The following PIGG variants were observed in gnomAD, a reference collection of about 807,000 sequenced individuals.
The protein encoded by PIGG is GPI ethanolamine phosphate transferase 2, catalytic subunit.
PIGG carries 70 observed loss-of-function variants against 83.2 expected under a neutral mutation model. The ratio of observed to expected loss-of-function variants is 0.84; its 90% CI spans 0.69 to 1.03. The LOEUF is 1.03. PIGG is among the 50% of genes least tolerant of loss of function. The probability of loss-of-function intolerance (pLI) is 0.00; values close to 1 mark genes in which losing one functional copy is unlikely to be tolerated. For synonymous variants in PIGG, 532 were observed against 519.5 expected, an observed-to-expected ratio of 1.02 and a Z score of -0.33; for missense variants, 1,257 against 1,233.6, an observed-to-expected ratio of 1.02 and a Z score of -0.28.
chr4:500,649 G>T (rs782808902), intron 2 of PIGG, 48 bp downstream of exon 2: 2 of 1,169,184 alleles, frequency 1.7e-6, no homozygotes, highest in African/African-American at 3.0e-5. Flanking sequence ...CTGTTTTGAA[G>T]ATTTAGAGGG....
At chr4:520,937 G>C (rs1278121235) in intron 6 of PIGG, 119 bp from the exon 7 acceptor site, 1 of 710,322 alleles carries the variant, frequency 1.4e-6, no homozygotes. Context: ...TTAAGCGTCA[G>C]TTGTGAAAAG....
At chr4:503,668 T>C (rs1219632759) in intron 2 of PIGG, among the ~76,000 whole-genome samples, 1 of 151,936 alleles carries the variant, frequency 6.6e-6, no homozygotes, top group Non-Finnish European at 1.5e-5. Context: ...AAATACGTTA[T>C]TGTACAGCTA....
intron 4 of PIGG, 102 bp downstream of exon 4, chr4:507,695 TC>T: frequency 2.0e-6 from 2 of 1,005,546 alleles, no homozygotes; most frequent in Non-Finnish European, 2.9e-6. Flanking sequence ...TGTGTGAATG[TC>T]CACCATCAGT....
chr4:539,295 A>G lies in PIGG; in HGVS notation c.2878A>G (p.Met960Val). 1 of 1,613,796 alleles carries G rather than the reference A, an allele frequency of 6.2e-7. No homozygotes were observed. The highest frequency in any genetic ancestry group is 8.5e-7 in the Non-Finnish European group (1 of 1,179,666). ...TTCTCCAAAACTTCTCTACGAGGGA[A>G]TGCACCTGCTCATTACAGCTGCTGT... ...VFSPKLLYEG[M>V]HLLITAAVCV... Residue 960 changes from methionine to valine, a missense_variant, in exon 13 of 13, where the codon ATG becomes GTG. Transcript: ENST00000453061.
chr4:499,343 T>A lies in PIGG; in HGVS notation c.8T>A (p.Leu3Gln). The change falls in exon 1 of 13, where the codon CTG becomes CAG. Residue 3 changes from leucine (L) to glutamine (Q), a missense_variant. Leu to Gln is a moderately radical substitution (Grantham distance 113). Coordinates refer to ENST00000453061, the MANE Select transcript of PIGG (RefSeq NM_001127178.3). ...CAGCCTAGCGTGTCCACGATGCGGC[T>A]GGGCTCCGGGACTTTCGCTACCTGT... MR[L>Q]GSGTFATCCV... The A allele has an allele frequency of 6.2e-7, 1 of 1,608,268 alleles. No individual in the cohort carries two copies. The highest frequency in any genetic ancestry group is 8.5e-7 in the Non-Finnish European group (1 of 1,179,838).
intron 11 of PIGG, chr4:533,511 C>T (rs1577148503): frequency 2.6e-6 from 1 of 383,702 alleles, no homozygotes; most frequent in East Asian, 5.0e-5. Context: ...AGATGTGGCA[C>T]AGTCAGCCAG....
chr4:526,189 T>C (rs1022549574), intron 9 of PIGG, among the ~76,000 whole-genome samples: 1 of 152,258 alleles, frequency 6.6e-6, no homozygotes, highest in Non-Finnish European at 1.5e-5. Flanking sequence ...TTTATTATTA[T>C]AACAATCCTG....
chr4:502,129 C>G (rs552185565), intron 2 of PIGG: 2 of 152,308 alleles, frequency 1.3e-5, no homozygotes, highest in South Asian at 4.1e-4. Flanking sequence ...ATTTAACAGG[C>G]AGATTTGAGA....
chr4:512,322 C>T (rs1482908310), intron 5 of PIGG, among the ~76,000 whole-genome samples: 4 of 149,464 alleles, frequency 2.7e-5, no homozygotes, highest in African/African-American at 7.4e-5. Context: ...CGGGTTCAAG[C>T]TATTCTCCTG....
chr4:499,577 C>G (rs1180262863), intron 1 of PIGG, 88 bp downstream of exon 1: 1 of 1,457,384 alleles, frequency 6.9e-7, no homozygotes, highest in African/African-American at 1.4e-5. Flanking sequence ...CGGATTTCTT[C>G]TCGGCGCTCC....
chr4:515,532 C>A lies in PIGG; in HGVS notation c.902-441C>A, dbSNP rs1723538595. Among the ~76,000 whole-genome samples, 1 of 152,258 alleles carries A rather than the reference C, an allele frequency of 6.6e-6. No individual in the cohort carries two copies. The highest frequency in any genetic ancestry group is 2.1e-4 in the South Asian group (1 of 4,838). ...AAGGGTTTATTTTCTCCATGAGCAA[C>A]AGCATGTGTGCTCGTAGAGGGCAGA... On this transcript the variant is annotated intron_variant, in intron 5 of 12. Transcript: ENST00000453061. The surrounding 1 kb of genome is among the most constrained non-coding windows in gnomAD (Gnocchi z 4.2).
intron 3 of PIGG, among the ~76,000 whole-genome samples, chr4:506,443 C>T (rs151009666): frequency 1.1e-4 from 16 of 152,280 alleles, no homozygotes; most frequent in African/African-American, 3.4e-4. Context: ...GAAAGCAGAC[C>T]TGGGGCTGAG....
At chr4:526,219 T>G (rs1345568883) in intron 9 of PIGG, among the ~76,000 whole-genome samples, 6 of 152,216 alleles carry the variant, frequency 3.9e-5, no homozygotes, top group Non-Finnish European at 1.5e-5. Context: ...TAAAAACGCG[T>G]GCCATTTAAA....
chr4:505,459 CAAA>C (rs35308755), intron 2 of PIGG, among the ~76,000 whole-genome samples: 544 of 44,958 alleles, frequency 0.012, 4 homozygotes, highest in African/African-American at 0.047. Context: ...CTGTATCTAC[CAAA>C]AAAAAAAAAA....
At chr4:499,760 C>T in intron 1 of PIGG, 1 of 1,308,466 alleles carries the variant, frequency 7.6e-7, no homozygotes, top group Non-Finnish European at 9.7e-7. Flanking sequence ...CCAGCCTCTC[C>T]ACTTCTACTC....
chr4:519,714 G>T lies in PIGG; in HGVS notation c.1115-1342G>T, dbSNP rs377688057. On this transcript the variant is annotated intron_variant, in intron 6 of 12. Transcript: ENST00000453061. Reference sequence around the variant, plus strand: ...GTGGGGTGGGCCTGCAGGCGTGTGGGTTCATGCTTAGGGACTTGGTGCCTG... The same window carrying T: ...GTGGGGTGGGCCTGCAGGCGTGTGGTTTCATGCTTAGGGACTTGGTGCCTG... Among the ~76,000 whole-genome samples the T allele has an allele frequency of 4.0e-5, 6 of 150,990 alleles. No individual in the cohort carries two copies. The South Asian group carries it at 8.4e-4, about 21-fold the overall frequency.
At chr4:508,754 C>T (rs1051376989) in intron 4 of PIGG, 75 bp from the exon 5 acceptor site, 14 of 1,414,140 alleles carry the variant, frequency 9.9e-6, no homozygotes, top group African/African-American at 4.3e-5. Context: ...AAGCTAAAAC[C>T]GAAAATTGTC....
intron 5 of PIGG, among the ~76,000 whole-genome samples, chr4:514,184 C>G (rs879853238): frequency 3.3e-5 from 5 of 152,178 alleles, no homozygotes; most frequent in Non-Finnish European, 7.3e-5. Flanking sequence ...TTCATCCGTG[C>G]CCACACTCAT....
chr4:499,511 C>G (rs951112050), intron 1 of PIGG, 22 bp downstream of exon 1: 11 of 1,576,634 alleles, frequency 7.0e-6, no homozygotes, highest in Non-Finnish European at 8.6e-6. Flanking sequence ...TCCCCGGCGT[C>G]TCCGCTCCCC....
Sources: gnomAD v4.1 joint callset for allele counts (sites outside exome capture counted in the v4.1 genomes callset) on GRCh38, gnomAD v4.1.1 for gene constraint, Gnocchi (gnomAD v3.1) non-coding constraint, MANE v1.5 for transcripts, NCBI Gene and HGNC (gene_info 2026-07-23, HGNC 2026-07-21) for gene names.